Variants in HCN4 observed in about 807,000 individuals in gnomAD.
HCN4 encodes the protein hyperpolarization activated cyclic nucleotide gated potassium channel 4.
Under a neutral mutation model 76.9 loss-of-function variants are expected in HCN4, and 29 were observed. The ratio of observed to expected loss-of-function variants is 0.38; its 90% CI spans 0.28 to 0.51. The LOEUF (loss-of-function observed/expected upper bound fraction) is 0.51, where lower values mean the gene tolerates loss of function less well. HCN4 is among the 20% of genes least tolerant of loss of function. HCN4 has a pLI of 0.90. For synonymous variants in HCN4, 772 were observed against 762.5 expected, an observed-to-expected ratio of 1.01 and a Z score of -0.21; for missense variants, 1,416 against 1,715.2, an observed-to-expected ratio of 0.83 and a Z score of 3.08.
At chr15:73,360,495 T>G (rs181638557) in intron 1 of HCN4, among the ~76,000 whole-genome samples, 3 of 152,342 alleles carry the variant, frequency 2.0e-5, no homozygotes, top group Admixed American at 2.0e-4. Context: ...GAGCCCCTCC[T>G]CGACGTTTTA....
rs747765268 is a variant in HCN4, at chr15:73,343,134, G to A, written c.1209+251C>T. ...TTAATATTTCTGTCTGTTTCTTCAGGTGAAAAATGAGTATATACATGTACC... is the reference window on the plus strand; with the variant it reads ...TTAATATTTCTGTCTGTTTCTTCAGATGAAAAATGAGTATATACATGTACC... On this transcript the variant is annotated intron_variant, in intron 2 of 7. Transcript: ENST00000261917. The surrounding 1 kb of genome is among the most constrained non-coding windows in gnomAD (Gnocchi z 5.7). Among the ~76,000 whole-genome samples, 4 of 152,166 alleles carry A rather than the reference G, an allele frequency of 2.6e-5. No individual in the cohort carries two copies. Among genetic ancestry groups the A allele is most frequent in the African/African-American group, 7.2e-5 (3 of 41,424 alleles).
At chr15:73,346,367 TTC>T (rs1446909171) in intron 1 of HCN4, among the ~76,000 whole-genome samples, 2 of 152,320 alleles carry the variant, frequency 1.3e-5, no homozygotes, top group Admixed American at 6.5e-5. Context: ...ATCAATTGAT[TTC>T]TGTCAAATGC....
intron 3 of HCN4, 22 bp from the exon 4 acceptor site, chr15:73,329,813 G>A: frequency 1.9e-6 from 3 of 1,595,800 alleles, no homozygotes; most frequent in Non-Finnish European, 2.6e-6. Context: ...CGGATGGGTG[G>A]GGACAGTGGA....
In HCN4 at chr15:73,329,101, C is replaced by G. The variant is rs111851799; in HGVS notation, c.1590+472G>C. Among the ~76,000 whole-genome samples the G allele has an allele frequency of 3.7e-4, 56 of 152,260 alleles. 2 individuals are homozygous for G. Among genetic ancestry groups the G allele is most frequent in the African/African-American group, 1.3e-3 (53 of 41,562 alleles). On this transcript the variant is annotated intron_variant, in intron 4 of 7. Coordinates refer to ENST00000261917, the MANE Select transcript of HCN4 (RefSeq NM_005477.3). Reference sequence around the variant, plus strand: ...GAAACCACAGCACCGGGGCCCCAGACAGAGGGAGGGTCAGGGGCGAGGCCC... The same window carrying G: ...GAAACCACAGCACCGGGGCCCCAGAGAGAGGGAGGGTCAGGGGCGAGGCCC...
Position 73,323,062 on chromosome 15 carries a change from A to C in HCN4, c.3031T>G (p.Ser1011Ala). The change falls in exon 8 of 8, where the codon TCT becomes GCT. Residue 1011 changes from serine (S) to alanine (A), a missense_variant. Transcript: ENST00000261917. The part of the protein sequence containing the change: ...PEPPSLVAGA[S>A]GGASPVGFTP... ...AAGCCTACAGGGGAAGCCCCCCCAG[A>C]GGCCCCTGCCACAAGGGACGGCGGC... 6.5e-7 allele frequency: 1 copy of C among 1,539,002 alleles called. No homozygotes were observed. The highest frequency in any genetic ancestry group is 8.7e-7 in the Non-Finnish European group (1 of 1,148,744).
rs1436352421 is a variant in HCN4 at position 73,367,947 on chromosome 15, G to A, written c.324C>T (p.Gly108=). The A allele has an allele frequency of 3.7e-6, 5 of 1,353,900 alleles. No individual in the cohort carries two copies. Among genetic ancestry groups the A allele is most frequent in the South Asian group, 4.0e-5 (2 of 50,362 alleles). The allele number at this position is 1,353,900 out of a possible 1,614,324, so 83.9% of individuals were successfully genotyped here. A position where few individuals can be genotyped will look rare whatever the true frequency, so the allele number is the denominator to read the frequency against. ...TGCCGCTCCCCGTGCCGCCGCTGCC[G>A]CCGCCCCGGCTGCCCAGCGAGGCCA... is the stretch of plus-strand genomic sequence containing the variant. The part of the protein sequence containing the change: ...GSLASLGSRG[G]GSGGTGSGSS... The change falls in exon 1 of 8, where the codon GGC becomes GGT. Residue 108 remains glycine, a synonymous_variant. Coordinates refer to ENST00000261917, the MANE Select transcript of HCN4 (RefSeq NM_005477.3). This position sits in a 1 kb window ranked among gnomAD's most constrained non-coding sequence, Gnocchi z 7.5.
At chr15:73,340,978 G>A (rs1450090133) in intron 2 of HCN4, 1 of 152,142 alleles carries the variant, frequency 6.6e-6, no homozygotes, top group African/African-American at 2.4e-5. Context: ...CTTGACACAT[G>A]AGGATCATAA....
intron 1 of HCN4, among the ~76,000 whole-genome samples, chr15:73,347,463 G>A (rs991157399): frequency 6.6e-6 from 1 of 152,208 alleles, no homozygotes; most frequent in South Asian, 2.1e-4. Flanking sequence ...AAGAGGATTT[G>A]GGGGGCCCAT....
intron 1 of HCN4, among the ~76,000 whole-genome samples, chr15:73,361,746 G>A (rs2043105949): frequency 6.6e-6 from 1 of 152,178 alleles, no homozygotes; most frequent in African/African-American, 2.4e-5. Context: ...AGGGTAGGAG[G>A]GGGCAGGGAG....
chr15:73,327,586 G>A (rs899257996), intron 4 of HCN4, among the ~76,000 whole-genome samples: 1 of 151,886 alleles, frequency 6.6e-6, no homozygotes, highest in South Asian at 2.1e-4. Flanking sequence ...CCAGTCACAG[G>A]CTGGGTCCTG....
chr15:73,336,002 A>G (rs1167542053), intron 2 of HCN4, among the ~76,000 whole-genome samples: 1 of 152,124 alleles, frequency 6.6e-6, no homozygotes, highest in Non-Finnish European at 1.5e-5. Context: ...CCCAGAGCTC[A>G]TAGTCTGGCT....
intron 1 of HCN4, among the ~76,000 whole-genome samples, chr15:73,358,015 C>T (rs939937537): frequency 2.0e-5 from 3 of 152,206 alleles, no homozygotes; most frequent in African/African-American, 7.2e-5. Flanking sequence ...GGCCAATTAG[C>T]TCTGCTCTCT....
At chr15:73,332,364 C>T in intron 2 of HCN4, 72 bp from the exon 3 acceptor site, 1 of 1,487,630 alleles carries the variant, frequency 6.7e-7, no homozygotes, top group Non-Finnish European at 9.4e-7. Flanking sequence ...CTTTCCCTGC[C>T]CTGGAGCTGC....
chr15:73,320,046 G>GT lies in HCN4; in HGVS notation c.*2434dup, dbSNP rs1211300598. 6.6e-6 allele frequency: 1 copy of GT among 152,324 alleles called. No individual in the cohort carries two copies. The highest frequency in any genetic ancestry group is 1.5e-5 in the Non-Finnish European group (1 of 68,158). The allele number at this position is 152,324 out of a possible 1,614,324, so 9.4% of individuals were successfully genotyped here. A position where few individuals can be genotyped will look rare whatever the true frequency, so the allele number is the denominator to read the frequency against. On this transcript the variant is annotated 3_prime_UTR_variant, in exon 8 of 8. Coordinates refer to ENST00000261917, the MANE Select transcript of HCN4 (RefSeq NM_005477.3). Reference sequence around the variant, plus strand: ...GAGCTATTATAAAATGCATGTGTGTGTAAGTAGAGAAGAGGGTGGTTAGGC... The same window carrying GT: ...GAGCTATTATAAAATGCATGTGTGTGTTAAGTAGAGAAGAGGGTGGTTAGGC...
Position 73,324,035 on chromosome 15 carries a change from G to GC in HCN4, c.2143+53dup. 2.5e-6 allele frequency: 4 copies of GC among 1,607,176 alleles called. No homozygotes were observed. The South Asian group carries it at 4.4e-5, about 18-fold the overall frequency. On this transcript the variant is annotated intron_variant, in intron 7 of 7. Coordinates refer to ENST00000261917, the MANE Select transcript of HCN4 (RefSeq NM_005477.3). ...CCTGGCTTAGGCATAAAGGAGCCCTGCCCTCCTCCCCCAACACCCCCCACC... is the reference window on the plus strand; with the variant it reads ...CCTGGCTTAGGCATAAAGGAGCCCTGCCCCTCCTCCCCCAACACCCCCCACC...
intron 3 of HCN4, among the ~76,000 whole-genome samples, chr15:73,331,285 G>A (rs1393138859): frequency 6.6e-6 from 1 of 152,108 alleles, no homozygotes; most frequent in Non-Finnish European, 1.5e-5. Context: ...GGATAGGGTG[G>A]GGTCAGGCTT....
intron 1 of HCN4, among the ~76,000 whole-genome samples, chr15:73,361,437 G>T (rs1445484515): frequency 6.6e-6 from 1 of 152,232 alleles, no homozygotes; most frequent in Non-Finnish European, 1.5e-5. Flanking sequence ...CTCTGTCTGG[G>T]AAACGTGAAT....
intron 1 of HCN4, among the ~76,000 whole-genome samples, chr15:73,361,414 C>T (rs532172209): frequency 3.3e-5 from 5 of 152,334 alleles, no homozygotes; most frequent in South Asian, 4.1e-4. Context: ...TGCCCCTGCC[C>T]GCCCATGGCC....
At position 73,324,080 on chromosome 15, in the gene HCN4, C is replaced by T; in HGVS notation, c.2143+9G>A. The T allele has an allele frequency of 1.2e-6, 2 of 1,612,324 alleles. No individual in the cohort carries two copies. The highest frequency in any genetic ancestry group is 2.2e-5 in the East Asian group (1 of 44,876). On this transcript the variant is annotated intron_variant, in intron 7 of 7. Transcript: ENST00000261917. ...CCCACCTGCCCCGCCTGTGGCCCCT[C>T]CCCCTCACCAATGCGGTCCAGGCGG...
Sources: allele counts gnomAD v4.1 joint callset (sites outside exome capture counted in the v4.1 genomes callset), GRCh38; gene constraint gnomAD v4.1.1; non-coding constraint Gnocchi (gnomAD v3.1); transcripts MANE v1.5; gene names NCBI Gene and HGNC (gene_info 2026-07-23, HGNC 2026-07-21).